The following SHB variants were observed in gnomAD, a reference collection of about 807,000 sequenced individuals.
SHB encodes SH2 domain-containing adapter protein B.
In SHB, 20 loss-of-function variants were observed where a neutral mutation model predicts 52.3. The observed-to-expected ratio is 0.38, with a 90% CI of 0.27 to 0.56. The LOEUF (loss-of-function observed/expected upper bound fraction) is 0.56. Ranked by LOEUF, SHB falls within the 20% of genes least tolerant of loss-of-function variation. The pLI is 0.71. For missense variants in SHB, 825 were observed against 723.3 expected (o/e 1.14, Z -1.61); for synonymous variants, 397 against 316.5 (o/e 1.25, Z -2.70).
chr9:37,920,367 C>T (rs955718999), intron 5 of SHB, among the ~76,000 whole-genome samples: 2 of 152,214 alleles, frequency 1.3e-5, no homozygotes, highest in African/African-American at 2.4e-5. Context: ...CAGTGCATAT[C>T]CCTGTTTAAG....
At chr9:37,972,112 C>T (rs1178655089) in intron 3 of SHB, among the ~76,000 whole-genome samples, 1 of 152,192 alleles carries the variant, frequency 6.6e-6, no homozygotes, top group Admixed American at 6.5e-5. Flanking sequence ...CCCTGAGAGG[C>T]CCACAGGGGG....
At chr9:37,934,258 T>C (rs1313921338) in intron 5 of SHB, among the ~76,000 whole-genome samples, 1 of 152,114 alleles carries the variant, frequency 6.6e-6, no homozygotes, top group African/African-American at 2.4e-5. Context: ...ATAGTAACAC[T>C]CATCTCTTGA....
In SHB at chr9:37,917,365, A is replaced by G. The variant is rs1167463743; in HGVS notation, c.*2456T>C. 6.6e-6 allele frequency among the ~76,000 whole-genome samples: 1 copy of G among 152,178 alleles called. No individual in the cohort carries two copies. Among genetic ancestry groups the G allele is most frequent in the African/African-American group, 2.4e-5 (1 of 41,452 alleles). On this transcript the variant is annotated 3_prime_UTR_variant, in exon 6 of 6. Coordinates refer to ENST00000377707, the MANE Select transcript of SHB (RefSeq NM_003028.3). ...GAGGGAGGGTCCCAGGAATACCCTA[A>G]GAGGCCAAGTCAGGGCCAGAGGGCA...
intron 1 of SHB, among the ~76,000 whole-genome samples, chr9:38,041,491 G>C (rs1564108678): frequency 6.6e-6 from 1 of 152,208 alleles, no homozygotes; most frequent in Non-Finnish European, 1.5e-5. Flanking sequence ...GCATTTGCTA[G>C]GCTGGATGGG....
At chr9:37,956,196 G>A in intron 3 of SHB, 142 bp from the exon 4 acceptor site, 4 of 747,150 alleles carry the variant, frequency 5.4e-6, no homozygotes, top group Non-Finnish European at 8.7e-6. Context: ...GACATAACAT[G>A]GCACAAAAGA....
intron 5 of SHB, among the ~76,000 whole-genome samples, chr9:37,946,133 C>A (rs115819664): frequency 8.5e-5 from 13 of 152,336 alleles, no homozygotes; most frequent in African/African-American, 2.9e-4. Flanking sequence ...ACACTGAGGC[C>A]CCTATGGCGT....
intron 2 of SHB, among the ~76,000 whole-genome samples, chr9:37,981,631 T>C (rs2266015): frequency 0.57 from 87,066 of 152,124 alleles, 25,329 homozygotes; most frequent in East Asian, 0.77. Context: ...GCCTACCTTT[T>C]GGCAGATCTC....
At chr9:38,024,704 A>G (rs1299254452) in intron 1 of SHB, among the ~76,000 whole-genome samples, 2 of 152,174 alleles carry the variant, frequency 1.3e-5, no homozygotes, top group Non-Finnish European at 2.9e-5. Flanking sequence ...AAGTAGTGGG[A>G]GGTTCTATTT....
chr9:37,960,100 T>C (rs1564088693), intron 3 of SHB, among the ~76,000 whole-genome samples: 1 of 152,238 alleles, frequency 6.6e-6, no homozygotes, highest in African/African-American at 2.4e-5. Context: ...AGCTTAATAA[T>C]ATAGCCATAT....
In SHB at chr9:37,991,473, T is replaced by A. The variant is rs370578918; in HGVS notation, c.839-16636A>T. ...ACATTTTGAAGTTTAGGAAATTAAGTTTGGAACAAATTATGTATTGGTTTT... is the reference window on the plus strand; with the variant it reads ...ACATTTTGAAGTTTAGGAAATTAAGATTGGAACAAATTATGTATTGGTTTT... On this transcript the variant is annotated intron_variant, in intron 2 of 5. Transcript: ENST00000377707. Among the ~76,000 whole-genome samples the A allele has an allele frequency of 7.2e-5, 11 of 152,336 alleles. No homozygotes were observed. The South Asian group carries it at 2.3e-3, about 32-fold the overall frequency.
intron 1 of SHB, among the ~76,000 whole-genome samples, chr9:38,017,205 G>T (rs1046558351): frequency 2.0e-5 from 3 of 152,140 alleles, no homozygotes; most frequent in Non-Finnish European, 4.4e-5. Flanking sequence ...TGCCCTTTTT[G>T]GTCACATTTC....
chr9:37,979,730 G>A (rs1820700648), intron 2 of SHB, among the ~76,000 whole-genome samples: 1 of 152,118 alleles, frequency 6.6e-6, no homozygotes, highest in South Asian at 2.1e-4. Context: ...GCCAAGGTGG[G>A]CAGATCACTT....
At chr9:37,972,312 T>C (rs779690118) in intron 3 of SHB, among the ~76,000 whole-genome samples, 26 of 152,158 alleles carry the variant, frequency 1.7e-4, no homozygotes, top group Non-Finnish European at 2.9e-4. Flanking sequence ...TGATCAGCCA[T>C]GCCCAGGGGA....
At chr9:38,034,728 G>A (rs1171830876) in intron 1 of SHB, among the ~76,000 whole-genome samples, 3 of 152,176 alleles carry the variant, frequency 2.0e-5, no homozygotes, top group South Asian at 2.1e-4. Flanking sequence ...ACGCAGTCTC[G>A]CTCTGCCACC....
intron 2 of SHB, among the ~76,000 whole-genome samples, chr9:38,004,310 G>A (rs1381450235): frequency 6.6e-6 from 1 of 151,786 alleles, no homozygotes; most frequent in African/African-American, 2.4e-5. Context: ...CCTGGGGAAA[G>A]CAGCAGATCG....
At chr9:37,950,108 T>A (rs1832547594) in intron 4 of SHB, among the ~76,000 whole-genome samples, 1 of 152,150 alleles carries the variant, frequency 6.6e-6, no homozygotes, top group African/African-American at 2.4e-5. Flanking sequence ...CTGGCTATTT[T>A]AAAATCTTTT....
chr9:37,958,277 C>T (rs1405168725), intron 3 of SHB, among the ~76,000 whole-genome samples: 2 of 152,220 alleles, frequency 1.3e-5, no homozygotes, highest in African/African-American at 2.4e-5. Flanking sequence ...GATGGCAGGA[C>T]TCGCCTGTGC....
chr9:38,049,944 C>G (rs1319268931), intron 1 of SHB, among the ~76,000 whole-genome samples: 2 of 152,124 alleles, frequency 1.3e-5, no homozygotes, highest in Non-Finnish European at 2.9e-5. Flanking sequence ...GGATTACAGG[C>G]ATGTGCCACC....
intron 2 of SHB, among the ~76,000 whole-genome samples, chr9:37,976,643 A>G (rs753384285): frequency 6.6e-6 from 1 of 152,186 alleles, no homozygotes; most frequent in Non-Finnish European, 1.5e-5. Flanking sequence ...TTTTCAGGCT[A>G]ATATTCCATC....
Sources: allele counts gnomAD v4.1 joint callset (sites outside exome capture counted in the v4.1 genomes callset), GRCh38; gene constraint gnomAD v4.1.1; transcripts MANE v1.5; gene names NCBI Gene and HGNC (gene_info 2026-07-23, HGNC 2026-07-21).